The following SETD2 variants were observed in gnomAD, a reference collection of about 807,000 sequenced individuals.
The protein encoded by SETD2 is SET domain containing 2, histone lysine methyltransferase.
A neutral mutation model predicts 242.1 loss-of-function variants in SETD2; 31 were observed. The observed-to-expected ratio is 0.13, with a 90% CI of 0.10 to 0.17. The LOEUF (loss-of-function observed/expected upper bound fraction) is 0.17, where lower values mean the gene tolerates loss of function less well. Ranked by LOEUF, SETD2 falls within the 10% of genes least tolerant of loss-of-function variation. The pLI, the probability that SETD2 is intolerant of heterozygous loss-of-function variation, is 1.00. For synonymous variants in SETD2, 1,006 were observed against 1,066.5 expected, an observed-to-expected ratio of 0.94 and a Z score of 1.11; for missense variants, 2,481 against 3,046.3, an observed-to-expected ratio of 0.81 and a Z score of 4.37.
intron 12 of SETD2, 119 bp downstream of exon 12, chr3:47,083,601 G>T (rs2041409555): frequency 2.2e-6 from 2 of 917,932 alleles, no homozygotes; most frequent in Non-Finnish European, 1.7e-6. Flanking sequence ...CAGTAAGAGA[G>T]ACAGTATTCC....
intron 13 of SETD2, among the ~76,000 whole-genome samples, chr3:47,063,307 T>C (rs1183110457): frequency 1.3e-5 from 2 of 151,990 alleles, no homozygotes; most frequent in Admixed American, 6.6e-5. Flanking sequence ...GAGAGCTACA[T>C]CTTAAAAAAA....
At chr3:47,072,217 A>G (rs1414951909) in intron 12 of SETD2, among the ~76,000 whole-genome samples, 1 of 152,132 alleles carries the variant, frequency 6.6e-6, no homozygotes, top group Non-Finnish European at 1.5e-5. Context: ...CTGAGGCAGG[A>G]GAATGGCATG....
chr3:47,120,416 CTTT>C lies in SETD2; in HGVS notation c.4217_4219del (p.Lys1406del), dbSNP rs1427557263. Reference sequence around the variant, plus strand: ...AGAATCACTCTCTATTTCCTGCCTCCTTTTTTTAAGAGGCCCTCTATCTTTGAT... The same window carrying C: ...AGAATCACTCTCTATTTCCTGCCTCCTTTTAAGAGGCCCTCTATCTTTGAT... On this transcript the variant is annotated inframe_deletion, in exon 3 of 21. Transcript: ENST00000409792. 1 of 1,611,312 alleles carries C rather than the reference CTTT, an allele frequency of 6.2e-7. No homozygotes were observed. The highest frequency in any genetic ancestry group is 8.5e-7 in the Non-Finnish European group (1 of 1,179,344).
rs1399887416 is a variant in SETD2, at chr3:47,123,035, G to A, written c.1601C>T (p.Pro534Leu). 1.2e-6 allele frequency: 2 copies of A among 1,614,062 alleles called. No individual in the cohort carries two copies. The highest frequency in any genetic ancestry group is 1.7e-6 in the Non-Finnish European group (2 of 1,179,932). The part of the protein sequence containing the change: ...NEAIKRCCSP[P>L]NELGFRRGSS... ...CCCTCGTCGGAATCCCAGTTCATTA[G>A]GGGGAGAACAACATCTTTTAATTGC... Residue 534 changes from proline to leucine, a missense_variant, in exon 3 of 21, where the codon CCT (proline) becomes CTT (leucine). Physicochemically the swap from Pro to Leu is moderately conservative, Grantham distance 98. This residue lies in a region of SETD2 where 1,300 missense variants were observed against 1,259.2 expected (regional missense o/e 1.03). Coordinates refer to ENST00000409792, the MANE Select transcript of SETD2 (RefSeq NM_014159.7).
intron 1 of SETD2, among the ~76,000 whole-genome samples, chr3:47,155,423 T>C (rs932065618): frequency 1.3e-5 from 2 of 152,210 alleles, no homozygotes; most frequent in African/African-American, 4.8e-5. Flanking sequence ...CGTGGCAAAA[T>C]TCCAATTACT....
At chr3:47,086,050 A>G in intron 11 of SETD2, 145 bp downstream of exon 11, 1 of 801,242 alleles carries the variant, frequency 1.2e-6, no homozygotes, top group Non-Finnish European at 1.9e-6. Context: ...CGTTAAAGGA[A>G]TGATACTGAG....
rs2042407438 is a variant in SETD2, at chr3:47,106,078, A to G, written c.4758T>C (p.His1586=). ...CCTTCACTCGAGCTTTAAACTCTTT[A>G]TGATCGAGTACCTCTCCACAATATT... The part of the protein sequence containing the change: ...VLEYCGEVLD[H]KEFKARVKEY... Residue 1586 remains histidine (H), a synonymous_variant, in exon 6 of 21, where the codon CAT becomes CAC. Coordinates refer to ENST00000409792, the MANE Select transcript of SETD2 (RefSeq NM_014159.7). 2 of 1,613,908 alleles carry G rather than the reference A, an allele frequency of 1.2e-6. No homozygotes were observed. The highest frequency in any genetic ancestry group is 2.2e-5 in the South Asian group (2 of 91,070).
intron 12 of SETD2, among the ~76,000 whole-genome samples, chr3:47,075,008 C>T (rs1575731453): frequency 6.6e-6 from 1 of 152,088 alleles, no homozygotes; most frequent in Admixed American, 6.5e-5. Context: ...GTGGCAGGTG[C>T]CTGTAGTTCC....
chr3:47,098,225 A>G (rs767549696), intron 8 of SETD2, 144 bp from the exon 9 acceptor site: 3 of 626,130 alleles, frequency 4.8e-6, no homozygotes, highest in Non-Finnish European at 7.5e-6. Flanking sequence ...CAAGTCTGCT[A>G]TTACTAATAG....
rs532555959 is a variant in SETD2, at chr3:47,050,454, T to C, written c.6964-3833A>G. On this transcript the variant is annotated intron_variant, in intron 15 of 20. Transcript: ENST00000409792. ...CAAAACGCCATTGCATGGCACATGATTGTATTTATGTACAGGCTGAGCATA... is the reference window on the plus strand; with the variant it reads ...CAAAACGCCATTGCATGGCACATGACTGTATTTATGTACAGGCTGAGCATA... Among the ~76,000 whole-genome samples, 34 of 152,262 alleles carry C rather than the reference T, an allele frequency of 2.2e-4. No individual in the cohort carries two copies. The South Asian group carries it at 6.2e-3, about 28-fold the overall frequency.
At chr3:47,058,293 T>C (rs1463828196) in intron 14 of SETD2, among the ~76,000 whole-genome samples, 2 of 151,584 alleles carry the variant, frequency 1.3e-5, no homozygotes, top group African/African-American at 2.4e-5. Flanking sequence ...CAAATACAAT[T>C]AGCTGGGCCT....
intron 7 of SETD2, among the ~76,000 whole-genome samples, chr3:47,102,149 C>G (rs949946846): frequency 1.3e-5 from 2 of 152,174 alleles, no homozygotes; most frequent in Non-Finnish European, 2.9e-5. Context: ...AGTTCCAAAA[C>G]ATGTAAGCAA....
intron 18 of SETD2, among the ~76,000 whole-genome samples, chr3:47,036,154 C>A (rs1223141685): frequency 6.6e-6 from 1 of 152,148 alleles, no homozygotes; most frequent in African/African-American, 2.4e-5. Context: ...TTCCTTCTTC[C>A]ACCTATTCCC....
chr3:47,075,535 G>C (rs1458570464), intron 12 of SETD2, among the ~76,000 whole-genome samples: 2 of 127,388 alleles, frequency 1.6e-5, no homozygotes, highest in African/African-American at 6.2e-5. Flanking sequence ...TTGCACTCCA[G>C]CCTGGGCAAC....
intron 12 of SETD2, among the ~76,000 whole-genome samples, chr3:47,079,368 T>C (rs952968243): frequency 8.5e-5 from 13 of 152,104 alleles, no homozygotes; most frequent in African/African-American, 2.9e-4. Context: ...TTCTATAATG[T>C]ATACACCCTC....
intron 18 of SETD2, among the ~76,000 whole-genome samples, chr3:47,020,833 T>C (rs1284615426): frequency 6.6e-6 from 1 of 152,200 alleles, no homozygotes; most frequent in Admixed American, 6.5e-5. Context: ...GCTTCTTCCA[T>C]TTCCATAAAC....
intron 1 of SETD2, among the ~76,000 whole-genome samples, chr3:47,148,187 G>A (rs1575846441): frequency 6.6e-6 from 1 of 152,092 alleles, no homozygotes; most frequent in African/African-American, 2.4e-5. Flanking sequence ...CTGGATTGCA[G>A]TGGCGCGATC....
chr3:47,133,724 C>A (rs1160222299), intron 1 of SETD2, among the ~76,000 whole-genome samples: 1 of 152,006 alleles, frequency 6.6e-6, no homozygotes, highest in Non-Finnish European at 1.5e-5. Flanking sequence ...CAGAGTGAGA[C>A]CCTGTCTCAA....
chr3:47,087,632 T>G (rs559459466), intron 10 of SETD2, among the ~76,000 whole-genome samples: 27 of 152,194 alleles, frequency 1.8e-4, no homozygotes, highest in African/African-American at 6.3e-4. Context: ...AATAATATGG[T>G]ACAAGCTTTG....
Sources: gnomAD v4.1 joint callset for allele counts (sites outside exome capture counted in the v4.1 genomes callset) on GRCh38, gnomAD v4.1.1 for gene constraint, gnomAD v4.1.1 regional missense constraint, MANE v1.5 for transcripts, NCBI Gene and HGNC (gene_info 2026-07-23, HGNC 2026-07-21) for gene names.